TNRC18: variants seen among roughly 807,000 people sequenced by gnomAD.
The protein encoded by TNRC18 is trinucleotide repeat-containing gene 18 protein.
A neutral mutation model predicts 226.7 loss-of-function variants in TNRC18; 69 were observed. The observed-to-expected ratio is 0.30, with a 90% CI of 0.25 to 0.37. The LOEUF (loss-of-function observed/expected upper bound fraction) is 0.37. TNRC18 is among the 10% of genes least tolerant of loss of function. The pLI is 1.00. For missense variants in TNRC18, 4,754 were observed against 4,256.6 expected (o/e 1.12, Z -3.25); for synonymous variants, 2,449 against 1,927.6 (o/e 1.27, Z -7.09).
At chr7:5,311,349 C>T (rs1319340244) in intron 27 of TNRC18, among the ~76,000 whole-genome samples, 2 of 152,238 alleles carry the variant, frequency 1.3e-5, no homozygotes, top group Non-Finnish European at 2.9e-5. Context: ...CCTGGCCAGC[C>T]AGGACTTTGT....
In TNRC18 at chr7:5,325,222, T is replaced by G; in HGVS notation, c.6174A>C (p.Pro2058=). 1 of 1,553,706 alleles carries G rather than the reference T, an allele frequency of 6.4e-7. No individual in the cohort carries two copies. Among genetic ancestry groups the G allele is most frequent in the African/African-American group, 1.4e-5 (1 of 73,654 alleles). ...RKKKKGKEAG[P]GAGLPPPRAP... is the part of the protein sequence containing the mutation. ...CTCGGGGCGGCGGCAGCCCAGCTCC[T>G]GGCCCAGCCTCTTTCCCTTTCTTCT... Residue 2058 remains proline, a synonymous_variant, in exon 20 of 30, where the codon CCA becomes CCC. Coordinates refer to ENST00000430969, the MANE Select transcript of TNRC18 (RefSeq NM_001080495.3).
At chr7:5,399,246 A>G (rs138476619) in intron 2 of TNRC18, among the ~76,000 whole-genome samples, 94 of 152,236 alleles carry the variant, frequency 6.2e-4, no homozygotes, top group African/African-American at 2.2e-3. Context: ...TGGCCTCTCG[A>G]AAGACTTGAC....
At chr7:5,373,648 G>C (rs751302348) in intron 10 of TNRC18, among the ~76,000 whole-genome samples, 4 of 152,196 alleles carry the variant, frequency 2.6e-5, no homozygotes, top group Non-Finnish European at 5.9e-5. Flanking sequence ...CTCTGATGCA[G>C]AAGACGGCAA....
At chr7:5,413,771 G>A (rs753269769) in intron 2 of TNRC18, among the ~76,000 whole-genome samples, 3 of 152,164 alleles carry the variant, frequency 2.0e-5, no homozygotes, top group East Asian at 1.9e-4. Flanking sequence ...GGCCTCAAGC[G>A]ATCCACCCGC....
chr7:5,310,805 C>T (rs1262359450), intron 27 of TNRC18, among the ~76,000 whole-genome samples: 3 of 152,248 alleles, frequency 2.0e-5, no homozygotes, highest in East Asian at 1.9e-4. Context: ...ACCTACAGCA[C>T]GTTGGGGGCT....
intron 10 of TNRC18, among the ~76,000 whole-genome samples, chr7:5,373,083 G>A (rs1049468033): frequency 6.6e-5 from 10 of 152,128 alleles, no homozygotes; most frequent in African/African-American, 2.4e-4. Flanking sequence ...GTTTGAACCT[G>A]GGAAGCGGAG....
rs1363331180 is a variant in TNRC18, at chr7:5,351,768, C to T, written c.5470+51G>A. ...CGCTTCCCTCTCGCTCACTCGCACGCACTCTCTCGCTAGGAAACACGGAAG... is the reference window on the plus strand; with the variant it reads ...CGCTTCCCTCTCGCTCACTCGCACGTACTCTCTCGCTAGGAAACACGGAAG... On this transcript the variant is annotated intron_variant, in intron 17 of 29. Coordinates refer to ENST00000430969, the MANE Select transcript of TNRC18 (RefSeq NM_001080495.3). 3.3e-6 allele frequency: 5 copies of T among 1,509,316 alleles called. No homozygotes were observed. The East Asian group carries it at 9.2e-5, about 28-fold the overall frequency. 93.5% of individuals were successfully genotyped at this position (1,509,316 alleles called of 1,614,324 possible). A position where few individuals can be genotyped will look rare whatever the true frequency, so the allele number is the denominator to read the frequency against.
chr7:5,346,240 G>A (rs1345355567), intron 17 of TNRC18, among the ~76,000 whole-genome samples: 3 of 152,186 alleles, frequency 2.0e-5, no homozygotes, highest in African/African-American at 7.2e-5. Flanking sequence ...GAGGGCCCTG[G>A]GGACTCAGGC....
intron 5 of TNRC18, among the ~76,000 whole-genome samples, chr7:5,381,690 G>A (rs1198193420): frequency 6.6e-6 from 1 of 152,186 alleles, no homozygotes; most frequent in East Asian, 1.9e-4. Context: ...CTCAGGTCGG[G>A]TGCAGTGACT....
At chr7:5,381,311 C>A (rs58677608) in intron 5 of TNRC18, among the ~76,000 whole-genome samples, 3,491 of 152,278 alleles carry the variant, frequency 0.023, 126 homozygotes, top group African/African-American at 0.081. Context: ...TGTCACCCCA[C>A]AGGCCCAAGT....
At chr7:5,336,203 T>G (rs1790103716) in intron 18 of TNRC18, among the ~76,000 whole-genome samples, 1 of 141,874 alleles carries the variant, frequency 7.0e-6, no homozygotes, top group Admixed American at 7.7e-5. Flanking sequence ...CGAGACTCTG[T>G]TTTAAAAAAA....
chr7:5,323,468 C>A (rs1788584146), intron 21 of TNRC18, among the ~76,000 whole-genome samples: 1 of 151,778 alleles, frequency 6.6e-6, no homozygotes, highest in African/African-American at 2.4e-5. Context: ...CCCATGGCAG[C>A]CCCAGGCTAC....
chr7:5,391,311 T>C (rs1474490443), intron 3 of TNRC18, among the ~76,000 whole-genome samples: 2 of 151,574 alleles, frequency 1.3e-5, no homozygotes, highest in Admixed American at 1.3e-4. Flanking sequence ...ACTTCAACTA[T>C]TCAGATTTTT....
At chr7:5,412,806 A>G (rs934790499) in intron 2 of TNRC18, among the ~76,000 whole-genome samples, 1 of 152,080 alleles carries the variant, frequency 6.6e-6, no homozygotes, top group African/African-American at 2.4e-5. Context: ...GCTTCCAGGG[A>G]CCCCCAAAAT....
intron 5 of TNRC18, among the ~76,000 whole-genome samples, chr7:5,382,253 G>GC (rs1779447845): frequency 6.6e-6 from 1 of 152,154 alleles, no homozygotes; most frequent in Non-Finnish European, 1.5e-5. Flanking sequence ...AACATACACG[G>GC]CCCCACACAG....
rs1377518264 is a variant in TNRC18 at position 5,307,745 on chromosome 7, G to C, written c.*361C>G. On this transcript the variant is annotated 3_prime_UTR_variant, in exon 30 of 30. Coordinates refer to ENST00000430969, the MANE Select transcript of TNRC18 (RefSeq NM_001080495.3). ...CCCCTCCCCACCGAATCCCCAGTCT[G>C]CATGGACCTGGGGGCACCCGGGCCC... is the stretch of plus-strand genomic sequence containing the variant. 2.7e-6 allele frequency: 1 copy of C among 363,966 alleles called. No individual in the cohort carries two copies. The highest frequency in any genetic ancestry group is 5.3e-6 in the Non-Finnish European group (1 of 187,820). The allele number at this position is 363,966 out of a possible 1,614,324, so 22.5% of individuals were successfully genotyped here.
At position 5,394,362 on chromosome 7, in the gene TNRC18, G is replaced by A; in HGVS notation, c.343+78C>T. The A allele has an allele frequency of 7.3e-7, 1 of 1,361,976 alleles. No homozygotes were observed. 84.4% of individuals were successfully genotyped at this position (1,361,976 alleles called of 1,614,324 possible). On this transcript the variant is annotated intron_variant, in intron 3 of 29. Transcript: ENST00000430969. This position sits in a 1 kb window ranked among gnomAD's most constrained non-coding sequence, Gnocchi z 4.5. ...CAGCCCCAGCTCAGCGATGACAACA[G>A]AGGGGCACATGAAGTGGCCAGAGTG...
chr7:5,400,789 A>G (rs146900049), intron 2 of TNRC18, among the ~76,000 whole-genome samples: 31 of 152,246 alleles, frequency 2.0e-4, no homozygotes, highest in African/African-American at 7.2e-4. Flanking sequence ...CTTTAATCTC[A>G]GCACTACCAG....
chr7:5,308,447 G>A (rs927151189), intron 29 of TNRC18, 135 bp from the exon 30 acceptor site: 2 of 792,434 alleles, frequency 2.5e-6, no homozygotes, highest in Non-Finnish European at 4.1e-6. Context: ...AGAGACAGAG[G>A]CTGAGTAAGA....
Sources: gnomAD v4.1 joint callset for allele counts (sites outside exome capture counted in the v4.1 genomes callset) on GRCh38, gnomAD v4.1.1 for gene constraint, Gnocchi (gnomAD v3.1) non-coding constraint, MANE v1.5 for transcripts, NCBI Gene and HGNC (gene_info 2026-07-23, HGNC 2026-07-21) for gene names.